The following CINP variants were observed in gnomAD, a reference collection of about 807,000 sequenced individuals.
The protein encoded by CINP is cyclin dependent kinase 2 interacting protein.
A neutral mutation model predicts 20.5 loss-of-function variants in CINP; 11 were observed. The observed-to-expected ratio is 0.54, with a 90% CI of 0.34 to 0.89. The LOEUF (loss-of-function observed/expected upper bound fraction) is 0.89. Among genes scored for constraint, CINP ranks in the 40% least tolerant of loss-of-function variants. The pLI is 0.02. For synonymous variants in CINP, 108 were observed against 102.1 expected, an observed-to-expected ratio of 1.06 and a Z score of -0.35; for missense variants, 213 against 251.0, an observed-to-expected ratio of 0.85 and a Z score of 1.02.
rs115491292 is a variant in CINP, at chr14:102,348,307, A to C, written c.*250T>G. ...TTCTGCTCAGAAACTCATTGATTTT[A>C]CTCTGAAGCACCCACGAATGACAGA... is the stretch of plus-strand genomic sequence containing the variant. On this transcript the variant is annotated 3_prime_UTR_variant, in exon 5 of 5. Transcript: ENST00000216756. The C allele has an allele frequency of 4.4e-3, 2,323 of 528,918 alleles. 40 individuals carry two copies. The highest frequency in any genetic ancestry group is 0.039 in the African/African-American group (2,050 of 52,950). 32.8% of individuals were successfully genotyped at this position (528,918 alleles called of 1,614,324 possible). A position where few individuals can be genotyped will look rare whatever the true frequency, so the allele number is the denominator to read the frequency against.
At chr14:102,352,660 CTTTTTT>C (rs1208495575) in intron 3 of CINP, 1 of 410,938 alleles carries the variant, frequency 2.4e-6, no homozygotes, top group African/African-American at 2.1e-5. Context: ...TTTTCTTTTT[CTTTTTT>C]TCTTTTTTTT....
intron 3 of CINP, among the ~76,000 whole-genome samples, chr14:102,350,653 G>A: frequency 6.6e-6 from 1 of 151,888 alleles, no homozygotes; most frequent in East Asian, 1.9e-4. Context: ...ACCGCGCCTG[G>A]CTGGCTCTTG....
chr14:102,361,378 G>A (rs754034215), intron 1 of CINP, among the ~76,000 whole-genome samples: 1 of 152,196 alleles, frequency 6.6e-6, no homozygotes, highest in African/African-American at 2.4e-5. Context: ...AGTGGCTCAC[G>A]CCTGTAATCC....
intron 4 of CINP, among the ~76,000 whole-genome samples, chr14:102,349,426 G>A (rs926309217): frequency 6.6e-6 from 1 of 151,942 alleles, no homozygotes; most frequent in African/African-American, 2.4e-5. Flanking sequence ...GCTTACCCTT[G>A]TCTTGAACTA....
rs542209837 is a variant in CINP, at chr14:102,351,236, C to T, written c.307-1188G>A. Among the ~76,000 whole-genome samples, 2 of 152,190 alleles carry T rather than the reference C, an allele frequency of 1.3e-5. No individual in the cohort carries two copies. Among genetic ancestry groups the T allele is most frequent in the African/African-American group, 2.4e-5 (1 of 41,450 alleles). On this transcript the variant is annotated intron_variant, in intron 3 of 4. Transcript: ENST00000216756. The surrounding 1 kb of genome is among the most constrained non-coding windows in gnomAD (Gnocchi z 4.2). ...ACACTTCACGCAGAAAGGAAGGAAA[C>T]GTGGCAAGCTGCCATTGACGGTCCC...
intron 3 of CINP, among the ~76,000 whole-genome samples, chr14:102,353,146 A>G (rs576464679): frequency 1.3e-5 from 2 of 151,830 alleles, no homozygotes; most frequent in East Asian, 3.9e-4. Context: ...TCAAAAAAAA[A>G]AAAAATTAAC....
chr14:102,362,774 G>T, intron 1 of CINP, 71 bp downstream of exon 1: 2 of 1,596,488 alleles, frequency 1.3e-6, no homozygotes, highest in Non-Finnish European at 1.7e-6. Flanking sequence ...CTGAGCTTCT[G>T]GTCCAACCTG....
Position 102,348,535 on chromosome 14 carries a change from T to C in CINP, c.*22A>G. 3.1e-6 allele frequency: 5 copies of C among 1,594,820 alleles called. No homozygotes were observed. Among genetic ancestry groups the C allele is most frequent in the Non-Finnish European group, 3.4e-6 (4 of 1,171,852 alleles). ...CCTGGTGAGACGTGGAAGGAGCCAG[T>C]GTCCGCAGCCGTCTCAGGACGTCAG... On this transcript the variant is annotated 3_prime_UTR_variant, in exon 5 of 5. Transcript: ENST00000216756.
chr14:102,349,884 C>T (rs771687792), intron 4 of CINP, 35 bp downstream of exon 4: 2 of 1,612,422 alleles, frequency 1.2e-6, no homozygotes, highest in East Asian at 2.2e-5. Flanking sequence ...ATAACCTTTA[C>T]CCTCCTGAAA....
rs565234838 is a variant in CINP, at chr14:102,355,705, C to G, written c.306+63G>C. 2.2e-5 allele frequency: 35 copies of G among 1,592,832 alleles called. No individual in the cohort carries two copies. The Admixed American group carries it at 4.1e-4, about 19-fold the overall frequency. ...AGTGATGGCCAATGGTCAAGCAAAC[C>G]CCAAATACGTCCATCGGATTCAGTG... On this transcript the variant is annotated intron_variant, in intron 3 of 4. Coordinates refer to ENST00000216756, the MANE Select transcript of CINP (RefSeq NM_032630.3).
intron 3 of CINP, 21 bp downstream of exon 3, chr14:102,355,747 G>A: frequency 6.2e-7 from 1 of 1,612,820 alleles, no homozygotes. Context: ...ACCACAAGTG[G>A]CCTGCGTCTT....
chr14:102,361,336 A>G (rs1887141529), intron 1 of CINP, among the ~76,000 whole-genome samples: 2 of 152,234 alleles, frequency 1.3e-5, no homozygotes, highest in African/African-American at 2.4e-5. Context: ...ACTAGAACCT[A>G]ATAGGCCAAG....
intron 1 of CINP, among the ~76,000 whole-genome samples, chr14:102,360,848 G>C: frequency 6.6e-6 from 1 of 152,100 alleles, no homozygotes; most frequent in East Asian, 1.9e-4. Context: ...ATCTGTGTGT[G>C]TCCCCACTCC....
In CINP at chr14:102,348,462, T is replaced by C. The variant is rs1008475083; in HGVS notation, c.*95A>G. The C allele has an allele frequency of 8.6e-7, 1 of 1,169,134 alleles. No individual in the cohort carries two copies. Among genetic ancestry groups the C allele is most frequent in the Non-Finnish European group, 1.2e-6 (1 of 831,752 alleles). 72.4% of individuals were successfully genotyped at this position (1,169,134 alleles called of 1,614,324 possible). On this transcript the variant is annotated 3_prime_UTR_variant, in exon 5 of 5. Transcript: ENST00000216756. Reference sequence around the variant, plus strand: ...GCCAGAAGACCCCAAGGTCTGATCCTGGGGTCTGATCCAGGCCTGCGGCAC... The same window carrying C: ...GCCAGAAGACCCCAAGGTCTGATCCCGGGGTCTGATCCAGGCCTGCGGCAC...
rs1259006097 is a variant in CINP, at chr14:102,359,562, G to C, written c.33C>G (p.Pro11=). MEAKTLGTVT[P]RKPVLSVSAR... ...CACTGACAGATAAGACAGGTTTTCT[G>C]GGCGTTACAGTTCCAAGAGTCTTTG... Residue 11 remains proline, a synonymous_variant, in exon 2 of 5, where the codon CCC becomes CCG. Transcript: ENST00000216756. The C allele has an allele frequency of 1.2e-6, 2 of 1,611,236 alleles. No homozygotes were observed. Among genetic ancestry groups the C allele is most frequent in the Non-Finnish European group, 1.7e-6 (2 of 1,178,592 alleles).
intron 3 of CINP, among the ~76,000 whole-genome samples, chr14:102,352,201 C>CA (rs564868641): frequency 1.3e-3 from 194 of 152,262 alleles, no homozygotes; most frequent in African/African-American, 4.4e-3. Flanking sequence ...CAAGTTTTAA[C>CA]ACCCAATCCT....
At chr14:102,354,817 C>T (rs973078450) in intron 3 of CINP, among the ~76,000 whole-genome samples, 1 of 152,044 alleles carries the variant, frequency 6.6e-6, no homozygotes, top group Non-Finnish European at 1.5e-5. Flanking sequence ...CGCCTGTAAT[C>T]CCAGCAGTTT....
chr14:102,356,985 A>G (rs954057155), intron 2 of CINP, among the ~76,000 whole-genome samples: 2 of 152,216 alleles, frequency 1.3e-5, no homozygotes, highest in Admixed American at 1.3e-4. Context: ...GAAGAGTTGC[A>G]TATCTCTCAT....
At chr14:102,359,227 A>ATATATATATATATATATAT (rs1887072544) in intron 2 of CINP, among the ~76,000 whole-genome samples, 192 bp downstream of exon 2, 4 of 115,428 alleles carry the variant, frequency 3.5e-5, no homozygotes, top group Non-Finnish European at 7.4e-5. Context: ...TAAATAACTA[A>ATATATATATATATATATAT]ATATATATAT....
Sources: gnomAD v4.1 joint callset for allele counts (sites outside exome capture counted in the v4.1 genomes callset) on GRCh38, gnomAD v4.1.1 for gene constraint, Gnocchi (gnomAD v3.1) non-coding constraint, MANE v1.5 for transcripts, NCBI Gene and HGNC (gene_info 2026-07-23, HGNC 2026-07-21) for gene names.